The following KIF17 variants were observed in gnomAD, a reference collection of about 807,000 sequenced individuals.
KIF17 encodes kinesin-like protein KIF17.
A neutral mutation model predicts 96.8 loss-of-function variants in KIF17; 80 were observed. The ratio of observed to expected loss-of-function variants is 0.83; its 90% confidence interval spans 0.69 to 1.00. The LOEUF (loss-of-function observed/expected upper bound fraction) is 1.00, where lower values mean the gene tolerates loss of function less well. KIF17 is among the 50% of genes least tolerant of loss of function. The probability of loss-of-function intolerance (pLI) is 0.00; values close to 1 mark genes in which losing one functional copy is unlikely to be tolerated. For synonymous variants in KIF17, 567 were observed against 587.5 expected (o/e 0.97, Z 0.51); for missense variants, 1,280 against 1,372.9 (o/e 0.93, Z 1.07).
chr1:20,699,497 C>T lies in KIF17; in HGVS notation c.1124-1009G>A, dbSNP rs1362112550. 6.6e-6 allele frequency among the ~76,000 whole-genome samples: 1 copy of T among 152,146 alleles called. No homozygotes were observed. Among genetic ancestry groups the T allele is most frequent in the African/African-American group, 2.4e-5 (1 of 41,452 alleles). On this transcript the variant is annotated intron_variant, in intron 5 of 14. Coordinates refer to ENST00000400463, the MANE Select transcript of KIF17 (RefSeq NM_001122819.3). This position sits in a 1 kb window ranked among gnomAD's most constrained non-coding sequence, Gnocchi z 4.3. ...AGGAGGATTGCTTGAACCAGATGGG[C>T]GGAGGTTGCAGTGAGCTGAGATGGC...
intron 6 of KIF17, among the ~76,000 whole-genome samples, chr1:20,695,169 A>C (rs1279772572): frequency 6.6e-6 from 1 of 151,494 alleles, no homozygotes; most frequent in African/African-American, 2.4e-5. Flanking sequence ...CAGCACCACC[A>C]ATCTCCATTC....
intron 7 of KIF17, among the ~76,000 whole-genome samples, chr1:20,689,575 C>T (rs571444077): frequency 9.9e-5 from 15 of 152,124 alleles, no homozygotes; most frequent in South Asian, 2.1e-4. Context: ...TGCTTAAATC[C>T]GGGATGGGGA....
intron 6 of KIF17, among the ~76,000 whole-genome samples, chr1:20,690,619 C>T (rs1262432279): frequency 3.3e-5 from 5 of 151,676 alleles, no homozygotes; most frequent in African/African-American, 1.2e-4. Context: ...AACTCCCAGG[C>T]TCAAGTGATC....
intron 12 of KIF17, among the ~76,000 whole-genome samples, chr1:20,670,875 G>C (rs190667177): frequency 6.6e-6 from 1 of 152,178 alleles, no homozygotes; most frequent in East Asian, 1.9e-4. Context: ...CTCCTGGGGG[G>C]CACTGCGGGC....
Position 20,715,587 on chromosome 1 carries a change from C to A in KIF17, c.284G>T (p.Ser95Ile), listed in dbSNP as rs1163164589. 5 of 1,613,214 alleles carry A rather than the reference C, an allele frequency of 3.1e-6. No homozygotes were observed. Among genetic ancestry groups the A allele is most frequent in the Non-Finnish European group, 4.2e-6 (5 of 1,179,684 alleles). Residue 95 changes from serine (S) to isoleucine (I), a missense_variant, in exon 2 of 15, where the codon AGC becomes ATC. Physicochemically the swap from Ser to Ile is moderately radical, Grantham distance 142. Transcript: ENST00000400463. ...GTIFAYGQTGSGKSFTMQGLP... is the reference protein window; with the variant it reads ...GTIFAYGQTGIGKSFTMQGLP... ...GCCCTGCATGGTGAAGGACTTCCCG[C>A]TGCCTGTCTGGCCGTAGGCAAAGAT...
chr1:20,712,913 T>G (rs1201967920), intron 3 of KIF17, among the ~76,000 whole-genome samples: 3 of 118,908 alleles, frequency 2.5e-5, no homozygotes, highest in African/African-American at 7.8e-5. Flanking sequence ...ATATTATATA[T>G]ATAATATATC....
rs969868287 is a variant in KIF17, at chr1:20,699,124, T to C, written c.1124-636A>G. The stretch of plus-strand genomic sequence containing the variant: ...ACCACCACACCCAGCTAATCTTTTA[T>C]TTTTTGTAGAGATGGGGTCTCGCCA... On this transcript the variant is annotated intron_variant, in intron 5 of 14. Transcript: ENST00000400463. This position sits in a 1 kb window ranked among gnomAD's most constrained non-coding sequence, Gnocchi z 4.3. Among the ~76,000 whole-genome samples, 1 of 152,148 alleles carries C rather than the reference T, an allele frequency of 6.6e-6. No homozygotes were observed. Among genetic ancestry groups the C allele is most frequent in the African/African-American group, 2.4e-5 (1 of 41,420 alleles).
intron 11 of KIF17, among the ~76,000 whole-genome samples, chr1:20,675,174 G>A (rs1486556593): frequency 2.0e-5 from 3 of 148,466 alleles, no homozygotes; most frequent in African/African-American, 5.0e-5. Flanking sequence ...AGGGCCGGGT[G>A]CGGTGGCTCA....
In KIF17 at chr1:20,687,799, A is replaced by G. The variant is rs750347823; in HGVS notation, c.1527T>C (p.Ser509=). The G allele has an allele frequency of 6.2e-7, 1 of 1,614,048 alleles. No individual in the cohort carries two copies. The highest frequency in any genetic ancestry group is 8.5e-7 in the Non-Finnish European group (1 of 1,180,028). The change falls in exon 8 of 15, where the codon AGT becomes AGC. Residue 509 remains serine (S), a synonymous_variant. Coordinates refer to ENST00000400463, the MANE Select transcript of KIF17 (RefSeq NM_001122819.3). This position sits in a 1 kb window ranked among gnomAD's most constrained non-coding sequence, Gnocchi z 4.4. The part of the protein sequence containing the change: ...KVFSTTDTLP[S]DDVSKTQVSS... ...AAACCTGAGTCTTGGAGACATCGTC[A>G]CTGGGCAGAGTGTCAGTCGTGGAGA...
In KIF17 at chr1:20,715,574, G is replaced by A; in HGVS notation, c.297C>T (p.Phe99=). Residue 99 remains phenylalanine, a synonymous_variant, in exon 2 of 15, where the codon TTC becomes TTT. Coordinates refer to ENST00000400463, the MANE Select transcript of KIF17 (RefSeq NM_001122819.3). ...AYGQTGSGKS[F]TMQGLPDPPS... ...GCGGATCCGGCAGGCCCTGCATGGT[G>A]AAGGACTTCCCGCTGCCTGTCTGGC... is the stretch of plus-strand genomic sequence containing the variant. 1 of 1,613,312 alleles carries A rather than the reference G, an allele frequency of 6.2e-7. No homozygotes were observed.
intron 14 of KIF17, among the ~76,000 whole-genome samples, chr1:20,665,394 ATT>A (rs33986427): frequency 3.0e-4 from 24 of 80,892 alleles, no homozygotes; most frequent in African/African-American, 9.4e-4. Flanking sequence ...TACCCAGCTA[ATT>A]TTTTTTTTTT....
rs1420963580 is a variant in KIF17, at chr1:20,672,337, A to G, written c.2464-141T>C. ...TCAGCCATCCATTCTCATCCCCACCATCCATCCAGCCATCCTTCCCTCCAT... is the reference window on the plus strand; with the variant it reads ...TCAGCCATCCATTCTCATCCCCACCGTCCATCCAGCCATCCTTCCCTCCAT... On this transcript the variant is annotated intron_variant, in intron 11 of 14. Transcript: ENST00000400463. The surrounding 1 kb of genome is among the most constrained non-coding windows in gnomAD (Gnocchi z 4.3). The G allele has an allele frequency of 1.9e-6, 2 of 1,053,628 alleles. No individual in the cohort carries two copies. Among genetic ancestry groups the G allele is most frequent in the African/African-American group, 3.1e-5 (2 of 63,584 alleles). 65.3% of individuals were successfully genotyped at this position (1,053,628 alleles called of 1,614,324 possible). A position where few individuals can be genotyped will look rare whatever the true frequency, so the allele number is the denominator to read the frequency against.
chr1:20,687,701 G>C lies in KIF17; in HGVS notation c.1625C>G (p.Ser542Cys), dbSNP rs1422872853. The C allele has an allele frequency of 1.2e-6, 2 of 1,614,218 alleles. No homozygotes were observed. The highest frequency in any genetic ancestry group is 8.5e-7 in the Non-Finnish European group (1 of 1,180,034). The change falls in exon 8 of 15, where the codon TCC becomes TGC. Residue 542 changes from serine (S) to cysteine (C), a missense_variant. Transcript: ENST00000400463. This position sits in a 1 kb window ranked among gnomAD's most constrained non-coding sequence, Gnocchi z 4.4. Reference protein sequence around the residue: ...SEISLGSSESSSLEETSVSEA... With the variant: ...SEISLGSSESCSLEETSVSEA... Reference sequence around the variant, plus strand: ...GGACACAGAGGTTTCTTCGAGCGAGGATGACTCACTGGAGCCCAGAGAAAT... The same window carrying C: ...GGACACAGAGGTTTCTTCGAGCGAGCATGACTCACTGGAGCCCAGAGAAAT...
intron 7 of KIF17, 72 bp downstream of exon 7, chr1:20,690,116 G>T: frequency 6.6e-7 from 1 of 1,525,994 alleles, no homozygotes; most frequent in Non-Finnish European, 9.1e-7. Flanking sequence ...GCTCTGTGAT[G>T]CAGTTACTGC....
At position 20,664,216 on chromosome 1, in the gene KIF17, A is replaced by G; in HGVS notation, c.*368T>C. 1 of 588,878 alleles carries G rather than the reference A, an allele frequency of 1.7e-6. No homozygotes were observed. Among genetic ancestry groups the G allele is most frequent in the South Asian group, 2.4e-5 (1 of 41,844 alleles). The allele number at this position is 588,878 out of a possible 1,614,324, so 36.5% of individuals were successfully genotyped here. ...TGATATTGAGCTTCCTCCACGTGGC[A>G]GCTGCTGCCCTCTCCATCAGGGCTG... On this transcript the variant is annotated 3_prime_UTR_variant, in exon 15 of 15. Transcript: ENST00000400463.
intron 6 of KIF17, among the ~76,000 whole-genome samples, chr1:20,697,400 G>C (rs370651863): frequency 6.6e-6 from 1 of 152,104 alleles, no homozygotes; most frequent in African/African-American, 2.4e-5. Flanking sequence ...TTGAGCCCAG[G>C]AGTTCAAGAC....
Position 20,690,352 on chromosome 1 carries a change from G to GGGCCA in KIF17, c.1234-18_1234-17insTGGCC. Reference sequence around the variant, plus strand: ...TTCATACTCCTGGGGGGGTGGGAGGGACCAGAGGGCAGGCAGCATTTTATC... The same window carrying GGGCCA: ...TTCATACTCCTGGGGGGGTGGGAGGGGGCCAACCAGAGGGCAGGCAGCATTTTATC... On this transcript the variant is annotated splice_polypyrimidine_tract_variant and intron_variant, in intron 6 of 14. Transcript: ENST00000400463. 5 of 451,144 alleles carry GGGCCA rather than the reference G, an allele frequency of 1.1e-5. No individual in the cohort carries two copies. Among genetic ancestry groups the GGGCCA allele is most frequent in the Non-Finnish European group, 2.1e-5 (5 of 235,122 alleles). 27.9% of individuals were successfully genotyped at this position (451,144 alleles called of 1,614,324 possible). A position where few individuals can be genotyped will look rare whatever the true frequency, so the allele number is the denominator to read the frequency against.
chr1:20,669,864 CAAAAAAAAAA>C (rs61673996), intron 13 of KIF17, among the ~76,000 whole-genome samples: 5 of 18,434 alleles, frequency 2.7e-4, no homozygotes, highest in Admixed American at 8.8e-4. Context: ...GACTCCATCT[CAAAAAAAAAA>C]AAAAAAAAAA....
At chr1:20,675,420 C>T (rs2053721942) in intron 11 of KIF17, among the ~76,000 whole-genome samples, 1 of 151,070 alleles carries the variant, frequency 6.6e-6, no homozygotes, top group Non-Finnish European at 1.5e-5. Context: ...TGCACTCCAG[C>T]CTGGGCGACA....
Sources: gnomAD v4.1 joint callset for allele counts (sites outside exome capture counted in the v4.1 genomes callset) on GRCh38, gnomAD v4.1.1 for gene constraint, Gnocchi (gnomAD v3.1) non-coding constraint, MANE v1.5 for transcripts, NCBI Gene and HGNC (gene_info 2026-07-23, HGNC 2026-07-21) for gene names.